Variants in ATP8B3 observed in about 807,000 individuals in gnomAD.
ATP8B3 encodes the protein phospholipid-transporting ATPase IK.
In ATP8B3, 141 loss-of-function variants were observed where a neutral mutation model predicts 140.9. That is an observed-to-expected ratio of 1.00 (90% confidence interval 0.87 to 1.15). The LOEUF is 1.15. ATP8B3 is among the 50% of genes most tolerant of loss of function. ATP8B3 has a pLI of 0.00. For synonymous variants in ATP8B3, 765 were observed against 714.6 expected, an observed-to-expected ratio of 1.07 and a Z score of -1.13; for missense variants, 1,874 against 1,740.6, an observed-to-expected ratio of 1.08 and a Z score of -1.36.
At chr19:1,801,829 C>T in intron 12 of ATP8B3, 127 bp downstream of exon 12, 1 of 491,450 alleles carries the variant, frequency 2.0e-6, no homozygotes, top group Non-Finnish European at 3.5e-6. Context: ...ATTTTCTGGC[C>T]CAAAGACCTG....
Position 1,805,755 on chromosome 19 carries a change from G to A in ATP8B3, c.821+133C>T. ...AGTGCCTGGCAGCACCCACGCCCCAGACACTCATGGGGTGAGTGACCAAAG... is the reference window on the plus strand; with the variant it reads ...AGTGCCTGGCAGCACCCACGCCCCAAACACTCATGGGGTGAGTGACCAAAG... On this transcript the variant is annotated intron_variant, in intron 9 of 28. Coordinates refer to ENST00000310127, the MANE Select transcript of ATP8B3 (RefSeq NM_138813.4). This position sits in a 1 kb window ranked among gnomAD's most constrained non-coding sequence, Gnocchi z 5.2. 2 of 1,081,330 alleles carry A rather than the reference G, an allele frequency of 1.8e-6. No individual in the cohort carries two copies. The highest frequency in any genetic ancestry group is 2.7e-6 in the Non-Finnish European group (2 of 737,700). The allele number at this position is 1,081,330 out of a possible 1,614,324, so 67.0% of individuals were successfully genotyped here. A position where few individuals can be genotyped will look rare whatever the true frequency, so the allele number is the denominator to read the frequency against.
At chr19:1,789,169 C>T (rs1188644905) in intron 23 of ATP8B3, 49 bp from the exon 24 acceptor site, 2 of 1,154,718 alleles carry the variant, frequency 1.7e-6, no homozygotes, top group Non-Finnish European at 2.4e-6. Flanking sequence ...CCCAGTCCCG[C>T]CCGCCCCCCC....
chr19:1,783,835 T>TC (rs11427604), intron 28 of ATP8B3, among the ~76,000 whole-genome samples: 11,972 of 152,182 alleles, frequency 0.079, 689 homozygotes, highest in African/African-American at 0.16. Flanking sequence ...GGCTAGTAAG[T>TC]CCCCTCCCTT....
rs376164258 is a variant in ATP8B3 at position 1,809,625 on chromosome 19, G to A, written c.402+18C>T. 2.6e-4 allele frequency: 410 copies of A among 1,586,424 alleles called. No homozygotes were observed. The African/African-American group carries it at 2.8e-3, about 11-fold the overall frequency. On this transcript the variant is annotated intron_variant, in intron 4 of 28. Coordinates refer to ENST00000310127, the MANE Select transcript of ATP8B3 (RefSeq NM_138813.4). ...GGCAGCTCCTCTGGAGCAGGGAGGC[G>A]CGGGAGGGGCCGCCCACCTTGTATT...
In ATP8B3 at chr19:1,794,062, C is replaced by T. The variant is rs1402999739; in HGVS notation, c.2055+1813G>A. Among the ~76,000 whole-genome samples, 3 of 152,146 alleles carry T rather than the reference C, an allele frequency of 2.0e-5. No individual in the cohort carries two copies. The highest frequency in any genetic ancestry group is 4.4e-5 in the Non-Finnish European group (3 of 68,016). On this transcript the variant is annotated intron_variant, in intron 18 of 28. Transcript: ENST00000310127. The surrounding 1 kb of genome is among the most constrained non-coding windows in gnomAD (Gnocchi z 4.8). ...TTTATTAAGAGACAGGGGTCTCGCC[C>T]TGTCGCCCAGGCTGGAGTGCAGTGG...
rs748188933 is a variant in ATP8B3 at position 1,806,181 on chromosome 19, G to A, written c.678-12C>T. On this transcript the variant is annotated splice_polypyrimidine_tract_variant and intron_variant, in intron 7 of 28. Transcript: ENST00000310127. This position sits in a 1 kb window ranked among gnomAD's most constrained non-coding sequence, Gnocchi z 5.6. The stretch of plus-strand genomic sequence containing the variant: ...TCTTCTGCTTGAAGCTGCGGGGAGA[G>A]GGGGTTGTGAAGGAGGCCCCTCCCT... The A allele has an allele frequency of 6.3e-7, 1 of 1,580,914 alleles. No homozygotes were observed. The highest frequency in any genetic ancestry group is 8.6e-7 in the Non-Finnish European group (1 of 1,164,272).
At chr19:1,788,075 C>T (rs1024404046) in intron 24 of ATP8B3, among the ~76,000 whole-genome samples, 2 of 151,994 alleles carry the variant, frequency 1.3e-5, no homozygotes, top group African/African-American at 4.8e-5. Flanking sequence ...AAACAGAAAC[C>T]AATATATACT....
At chr19:1,804,708 A>G (rs895301880) in intron 10 of ATP8B3, among the ~76,000 whole-genome samples, 3 of 152,122 alleles carry the variant, frequency 2.0e-5, no homozygotes, top group Admixed American at 2.0e-4. Flanking sequence ...CAGGAGGCTG[A>G]GGCAGGAGAA....
rs757761553 is a variant in ATP8B3 at position 1,805,487 on chromosome 19, T to C, written c.822-31A>G. ...GACGAGGAGAGGAGGGAGGTGAAAG[T>C]GGAGTTGATGGATGCTTCGAGGAGC... On this transcript the variant is annotated intron_variant, in intron 9 of 28. Coordinates refer to ENST00000310127, the MANE Select transcript of ATP8B3 (RefSeq NM_138813.4). The surrounding 1 kb of genome is among the most constrained non-coding windows in gnomAD (Gnocchi z 5.2). The C allele has an allele frequency of 6.6e-7, 1 of 1,512,572 alleles. No individual in the cohort carries two copies. The highest frequency in any genetic ancestry group is 9.0e-7 in the Non-Finnish European group (1 of 1,110,722). 93.7% of individuals were successfully genotyped at this position (1,512,572 alleles called of 1,614,324 possible). A position where few individuals can be genotyped will look rare whatever the true frequency, so the allele number is the denominator to read the frequency against.
rs1225036142 is a variant in ATP8B3 at position 1,794,353 on chromosome 19, C to T, written c.2055+1522G>A. Among the ~76,000 whole-genome samples the T allele has an allele frequency of 6.6e-6, 1 of 152,172 alleles. No homozygotes were observed. Among genetic ancestry groups the T allele is most frequent in the Admixed American group, 6.6e-5 (1 of 15,258 alleles). On this transcript the variant is annotated intron_variant, in intron 18 of 28. Coordinates refer to ENST00000310127, the MANE Select transcript of ATP8B3 (RefSeq NM_138813.4). This position sits in a 1 kb window ranked among gnomAD's most constrained non-coding sequence, Gnocchi z 4.8. ...GGCTGAGCTAAGCTGACCTGCTGAG[C>T]TCCTGGGCTCTAGGTCATTATTGTG...
At chr19:1,799,542 G>T in intron 14 of ATP8B3, 2 of 390,308 alleles carry the variant, frequency 5.1e-6, no homozygotes. Context: ...GAGGCAGGTG[G>T]ATCGCCGGAG....
chr19:1,809,550 C>T (rs1310959396), intron 4 of ATP8B3, 93 bp downstream of exon 4: 3 of 1,022,252 alleles, frequency 2.9e-6, no homozygotes, highest in African/African-American at 3.2e-5. Context: ...CAAATACAAG[C>T]AGAGGCAGGA....
At chr19:1,810,784 A>C (rs1381977588) in intron 2 of ATP8B3, 101 bp from the exon 3 acceptor site, 10 of 1,071,350 alleles carry the variant, frequency 9.3e-6, no homozygotes, top group Non-Finnish European at 1.3e-5. Context: ...GACCCTCTCA[A>C]ATGCTACCTC....
At position 1,800,262 on chromosome 19, in the gene ATP8B3, A is replaced by T. The variant is rs752803835; in HGVS notation, c.1340T>A (p.Ile447Asn). The change falls in exon 13 of 29, where the codon ATC (isoleucine) becomes AAC (asparagine). Residue 447 changes from isoleucine (I) to asparagine (N), a missense_variant. Ile to Asn is a moderately radical substitution (Grantham distance 149). Around this residue, in one of 3 missense-constraint regions of ATP8B3, gnomAD observed 1,032 missense variants for 963.6 expected, o/e 1.07. Transcript: ENST00000310127. This position sits in a 1 kb window ranked among gnomAD's most constrained non-coding sequence, Gnocchi z 4.4. Reference protein sequence around the residue: ...LSVTIPMSMFILSEFIYLGNS... With the variant: ...LSVTIPMSMFNLSEFIYLGNS... ...GACGCAGCCGGCGGAGACTCACAGG[A>T]TGAACATGGACATCGGGATGGTGAC... The T allele has an allele frequency of 3.1e-6, 5 of 1,611,206 alleles. No individual in the cohort carries two copies. In the East Asian group the frequency reaches 1.1e-4, roughly 36 times the overall value.
chr19:1,808,379 A>C (rs574353080), intron 4 of ATP8B3, 44 bp from the exon 5 acceptor site: 5 of 1,486,672 alleles, frequency 3.4e-6, no homozygotes, highest in Non-Finnish European at 3.7e-6. Flanking sequence ...GGTGCCATCC[A>C]GGCCAGGGGA....
chr19:1,783,906 C>G (rs1229662982), intron 28 of ATP8B3, among the ~76,000 whole-genome samples: 1 of 152,114 alleles, frequency 6.6e-6, no homozygotes, highest in Non-Finnish European at 1.5e-5. Flanking sequence ...AAAATCATAG[C>G]TCACTGCAGC....
intron 14 of ATP8B3, 130 bp downstream of exon 14, chr19:1,799,817 G>C (rs1056219130): frequency 1.0e-6 from 1 of 990,580 alleles, no homozygotes; most frequent in Admixed American, 2.4e-5. Context: ...AGGCCATCTG[G>C]CTACGGTTCC....
chr19:1,795,992 G>A lies in ATP8B3; in HGVS notation c.1943-5C>T, dbSNP rs370491048. The A allele has an allele frequency of 7.3e-5, 117 of 1,613,068 alleles. No individual in the cohort carries two copies. The South Asian group carries it at 1.2e-3, about 17-fold the overall frequency. On this transcript the variant is annotated splice_region_variant and splice_polypyrimidine_tract_variant and intron_variant, in intron 17 of 28. Transcript: ENST00000310127. ...TGGCGCCCTCTGGCTTTCGAACTGTGGGGGAACAGGCCCTGCTGCCCACAG... is the reference window on the plus strand; with the variant it reads ...TGGCGCCCTCTGGCTTTCGAACTGTAGGGGAACAGGCCCTGCTGCCCACAG...
Position 1,806,800 on chromosome 19 carries a change from C to G in ATP8B3, c.616-111G>C. 1 of 1,213,802 alleles carries G rather than the reference C, an allele frequency of 8.2e-7. No homozygotes were observed. 75.2% of individuals were successfully genotyped at this position (1,213,802 alleles called of 1,614,324 possible). ...CCCGCCCGCAACACGGGGTCCCTGT[C>G]CGCTGGCCCCACGCCACGTTGCGTC... On this transcript the variant is annotated intron_variant, in intron 6 of 28. Transcript: ENST00000310127. This position sits in a 1 kb window ranked among gnomAD's most constrained non-coding sequence, Gnocchi z 5.6.
Sources: gnomAD v4.1 joint callset for allele counts (sites outside exome capture counted in the v4.1 genomes callset) on GRCh38, gnomAD v4.1.1 for gene constraint, gnomAD v4.1.1 regional missense constraint, Gnocchi (gnomAD v3.1) non-coding constraint, MANE v1.5 for transcripts, NCBI Gene and HGNC (gene_info 2026-07-23, HGNC 2026-07-21) for gene names.